PGM5: variants seen among roughly 807,000 people sequenced by gnomAD.
PGM5 encodes phosphoglucomutase 5.
In PGM5, 23 loss-of-function variants were observed where a neutral mutation model predicts 59.2. That is an observed-to-expected ratio of 0.39 (90% CI 0.28 to 0.55). PGM5 has a LOEUF of 0.55. Ranked by LOEUF, PGM5 falls within the 20% of genes least tolerant of loss-of-function variation. The pLI is 0.66. For missense variants in PGM5, 574 were observed against 748.3 expected, an observed-to-expected ratio of 0.77 and a Z score of 2.72; for synonymous variants, 214 against 286.0, an observed-to-expected ratio of 0.75 and a Z score of 2.54.
chr9:68,456,436 G>A (rs1348828355), intron 6 of PGM5, among the ~76,000 whole-genome samples: 2 of 150,822 alleles, frequency 1.3e-5, no homozygotes, highest in Admixed American at 6.6e-5. Context: ...TCAGCCTCCC[G>A]AGTAGCTGGG....
At chr9:68,449,583 G>A (rs150290317) in intron 6 of PGM5, among the ~76,000 whole-genome samples, 1 of 152,176 alleles carries the variant, frequency 6.6e-6, no homozygotes, top group Non-Finnish European at 1.5e-5. Context: ...TGCCTGTTAA[G>A]TGATAGCTGC....
chr9:68,464,929 T>C (rs1341317263), intron 6 of PGM5, among the ~76,000 whole-genome samples, 164 bp from the exon 7 acceptor site: 4 of 152,202 alleles, frequency 2.6e-5, no homozygotes, highest in African/African-American at 9.6e-5. Context: ...TTGTTTATTA[T>C]TTTCTAACTT....
intron 2 of PGM5, among the ~76,000 whole-genome samples, 157 bp downstream of exon 2, chr9:68,378,518 C>A (rs1821983207): frequency 6.6e-6 from 1 of 152,124 alleles, no homozygotes; most frequent in Non-Finnish European, 1.5e-5. Context: ...AAAGAAGTGG[C>A]ATGATGGGCT....
At chr9:68,480,044 C>G (rs374174057) in intron 8 of PGM5, among the ~76,000 whole-genome samples, 8 of 152,282 alleles carry the variant, frequency 5.3e-5, no homozygotes, top group South Asian at 2.1e-4. Context: ...CTGGAAGGCA[C>G]CAATTTCCTT....
chr9:68,418,710 T>C (rs955394747), intron 6 of PGM5, among the ~76,000 whole-genome samples: 3 of 151,858 alleles, frequency 2.0e-5, no homozygotes, highest in Non-Finnish European at 4.4e-5. Flanking sequence ...CTCTGAGCCC[T>C]GGGGGTCTTA....
chr9:68,501,186 A>G, intron 10 of PGM5, among the ~76,000 whole-genome samples: 1 of 152,174 alleles, frequency 6.6e-6, no homozygotes, highest in East Asian at 1.9e-4. Flanking sequence ...TCTCCTCAGA[A>G]GCAAGAGTTT....
chr9:68,426,164 A>G (rs1554682685), intron 6 of PGM5, among the ~76,000 whole-genome samples: 1 of 152,020 alleles, frequency 6.6e-6, no homozygotes, highest in Non-Finnish European at 1.5e-5. Flanking sequence ...AATGGAAAGG[A>G]GGAATTTGGG....
At chr9:68,442,420 GC>G (rs1554683741) in intron 6 of PGM5, among the ~76,000 whole-genome samples, 1 of 152,138 alleles carries the variant, frequency 6.6e-6, no homozygotes, top group Non-Finnish European at 1.5e-5. Flanking sequence ...CCACCACCAT[GC>G]CCAGCTAATT....
intron 6 of PGM5, among the ~76,000 whole-genome samples, chr9:68,439,570 G>A (rs1823494991): frequency 6.8e-6 from 1 of 147,462 alleles, no homozygotes; most frequent in Non-Finnish European, 1.5e-5. Flanking sequence ...TGATCAAACA[G>A]CTACAGATTA....
At position 68,386,933 on chromosome 9, in the gene PGM5, C is replaced by T. The variant is rs536844475; in HGVS notation, c.572-530C>T. ...TAGATTGGGCATGAATGAGATTTCA[C>T]GCAAACCCAGGAATATATTCATCAC... On this transcript the variant is annotated intron_variant, in intron 3 of 10. Transcript: ENST00000396396. Among the ~76,000 whole-genome samples, 43 of 151,996 alleles carry T rather than the reference C, an allele frequency of 2.8e-4. No individual in the cohort carries two copies. The East Asian group carries it at 2.9e-3, about 10-fold the overall frequency.
At chr9:68,418,132 A>G (rs2132045073) in intron 6 of PGM5, among the ~76,000 whole-genome samples, 1 of 152,126 alleles carries the variant, frequency 6.6e-6, no homozygotes, top group Non-Finnish European at 1.5e-5. Context: ...ACATCCCCAT[A>G]TGTCTTCCTA....
chr9:68,385,245 T>C lies in PGM5; in HGVS notation c.571+701T>C, dbSNP rs1822187487. Among the ~76,000 whole-genome samples, 4 of 151,992 alleles carry C rather than the reference T, an allele frequency of 2.6e-5. No individual in the cohort carries two copies. The South Asian group carries it at 8.3e-4, about 32-fold the overall frequency. Reference sequence around the variant, plus strand: ...CATGTATGTATACATTTTCCCCCTGTATTTTATCATATTGCTTTTTCCTAG... The same window carrying C: ...CATGTATGTATACATTTTCCCCCTGCATTTTATCATATTGCTTTTTCCTAG... On this transcript the variant is annotated intron_variant, in intron 3 of 10. Transcript: ENST00000396396.
intron 6 of PGM5, among the ~76,000 whole-genome samples, chr9:68,463,132 G>A (rs1279879795): frequency 6.6e-6 from 1 of 151,468 alleles, no homozygotes; most frequent in Non-Finnish European, 1.5e-5. Context: ...TTGTATTTGG[G>A]GTTTGTGAAA....
chr9:68,487,373 C>A (rs895751099), intron 9 of PGM5, among the ~76,000 whole-genome samples: 1 of 151,800 alleles, frequency 6.6e-6, no homozygotes, highest in Admixed American at 6.6e-5. Context: ...AGTTCCCTCC[C>A]CTTGACCAGA....
chr9:68,492,365 A>G (rs939660144), intron 9 of PGM5, among the ~76,000 whole-genome samples: 1 of 152,214 alleles, frequency 6.6e-6, no homozygotes, highest in Non-Finnish European at 1.5e-5. Context: ...TTCGCCCTCC[A>G]GCAGCCCTCT....
At chr9:68,458,259 G>T (rs1823808867) in intron 6 of PGM5, among the ~76,000 whole-genome samples, 1 of 151,860 alleles carries the variant, frequency 6.6e-6, no homozygotes, top group African/African-American at 2.4e-5. Context: ...TCAGAAATCT[G>T]CCTGCCTATG....
intron 7 of PGM5, among the ~76,000 whole-genome samples, chr9:68,473,259 A>G (rs1488942991): frequency 1.3e-5 from 2 of 152,214 alleles, no homozygotes; most frequent in Non-Finnish European, 2.9e-5. Context: ...GCTGCAAATT[A>G]ATGAAAACCA....
intron 6 of PGM5, among the ~76,000 whole-genome samples, chr9:68,425,588 A>T (rs1823222292): frequency 6.6e-6 from 1 of 152,216 alleles, no homozygotes; most frequent in African/African-American, 2.4e-5. Flanking sequence ...CCTAAGCATT[A>T]TCCTATTTTG....
In PGM5 at chr9:68,489,941, A is replaced by G. The variant is rs186949019; in HGVS notation, c.1479+5893A>G. On this transcript the variant is annotated intron_variant, in intron 9 of 10. Coordinates refer to ENST00000396396, the MANE Select transcript of PGM5 (RefSeq NM_021965.4). ...CAAGTTAAGCAGGCTATGTGGAAAC[A>G]TTTTGATGTTGTCCTTAACCTGGAA... Among the ~76,000 whole-genome samples, 5 of 152,326 alleles carry G rather than the reference A, an allele frequency of 3.3e-5. No individual in the cohort carries two copies. In the East Asian group the frequency reaches 9.6e-4, roughly 29 times the overall value.
Sources: gnomAD v4.1 joint callset for allele counts (sites outside exome capture counted in the v4.1 genomes callset) on GRCh38, gnomAD v4.1.1 for gene constraint, MANE v1.5 for transcripts, NCBI Gene and HGNC (gene_info 2026-07-23, HGNC 2026-07-21) for gene names.